CACNA1C: variants seen among roughly 807,000 people sequenced by gnomAD.
CACNA1C encodes voltage-dependent L-type calcium channel subunit alpha-1C.
CACNA1C carries 30 observed loss-of-function variants against 229.0 expected under a neutral mutation model. That is an observed-to-expected ratio of 0.13 (90% CI 0.10 to 0.18). The LOEUF (loss-of-function observed/expected upper bound fraction) is 0.18. CACNA1C is among the 10% of genes least tolerant of loss of function. The pLI, the probability that CACNA1C is intolerant of heterozygous loss-of-function variation, is 1.00. For missense variants in CACNA1C, 1,658 were observed against 2,845.0 expected (o/e 0.58, Z 9.49); for synonymous variants, 1,114 against 1,132.5 (o/e 0.98, Z 0.33).
At chr12:2,620,950 A>G (rs2082924694) in intron 29 of CACNA1C, among the ~76,000 whole-genome samples, 1 of 152,214 alleles carries the variant, frequency 6.6e-6, no homozygotes, top group African/African-American at 2.4e-5. Flanking sequence ...AAGGATTGAG[A>G]CCATTGAGCT....
chr12:2,113,341 G>T (rs1489169048), intron 1 of CACNA1C, among the ~76,000 whole-genome samples: 1 of 152,218 alleles, frequency 6.6e-6, no homozygotes, highest in East Asian at 1.9e-4. Context: ...TGGAAAGCAG[G>T]TCACATGGGG....
At chr12:2,509,320 G>A (rs2099778437) in intron 8 of CACNA1C, among the ~76,000 whole-genome samples, 1 of 152,152 alleles carries the variant, frequency 6.6e-6, no homozygotes, top group South Asian at 2.1e-4. Flanking sequence ...TCATGTTATG[G>A]AATGTAACCC....
At chr12:2,186,742 C>T (rs556309326) in intron 3 of CACNA1C, among the ~76,000 whole-genome samples, 21 of 152,304 alleles carry the variant, frequency 1.4e-4, no homozygotes, top group East Asian at 7.7e-4. Context: ...GTTATCAACA[C>T]GACCTCCTTT....
At chr12:2,418,840 A>C (rs956659340) in intron 3 of CACNA1C, among the ~76,000 whole-genome samples, 14 of 152,118 alleles carry the variant, frequency 9.2e-5, no homozygotes, top group African/African-American at 2.4e-5. Context: ...CAGTGGGAGC[A>C]TGCTGACCCC....
rs930100118 is a variant in CACNA1C at position 2,159,606 on chromosome 12, T to C, written c.477+39176T>C. 5.7e-4 allele frequency among the ~76,000 whole-genome samples: 83 copies of C among 146,840 alleles called. 1 individual carries two copies. The South Asian group carries it at 0.015, about 27-fold the overall frequency. ...TCCTTTAGATTTCTTTCTTTCTCTTTTTTTTTTTTTTTTTGAGATGGGAGT... is the reference window on the plus strand; with the variant it reads ...TCCTTTAGATTTCTTTCTTTCTCTTCTTTTTTTTTTTTTTGAGATGGGAGT... On this transcript the variant is annotated intron_variant, in intron 3 of 46. Transcript: ENST00000399655.
intron 3 of CACNA1C, among the ~76,000 whole-genome samples, chr12:2,135,871 C>T (rs1489824345): frequency 6.8e-6 from 1 of 147,936 alleles, no homozygotes; most frequent in South Asian, 2.1e-4. Flanking sequence ...TTTACCTAAT[C>T]AAGCCCGGGC....
intron 38 of CACNA1C, among the ~76,000 whole-genome samples, chr12:2,672,813 TA>T (rs1342200499): frequency 3.3e-5 from 5 of 152,236 alleles, no homozygotes; most frequent in African/African-American, 4.8e-5. Flanking sequence ...TTCAGCCCAG[TA>T]CCGAAGCTAA....
intron 3 of CACNA1C, among the ~76,000 whole-genome samples, chr12:2,201,111 A>G (rs1431594357): frequency 6.6e-6 from 1 of 152,154 alleles, no homozygotes; most frequent in African/African-American, 2.4e-5. Context: ...GTTGGCTGCC[A>G]TGTTGATTCC....
At chr12:2,466,713 C>T (rs967433977) in intron 5 of CACNA1C, among the ~76,000 whole-genome samples, 9 of 152,308 alleles carry the variant, frequency 5.9e-5, no homozygotes, top group Middle Eastern at 3.4e-3. Context: ...TGCATTCACC[C>T]GGACAAGCCT....
intron 12 of CACNA1C, 55 bp from the exon 13 acceptor site, chr12:2,567,514 C>T: frequency 9.4e-7 from 1 of 1,067,760 alleles, no homozygotes; most frequent in Non-Finnish European, 1.4e-6. Flanking sequence ...TCCCTGCCTC[C>T]CTCTCTGCCT....
intron 7 of CACNA1C, among the ~76,000 whole-genome samples, chr12:2,501,868 G>C (rs970958076): frequency 6.6e-6 from 1 of 152,250 alleles, no homozygotes; most frequent in Non-Finnish European, 1.5e-5. Flanking sequence ...TCTTTTGCTG[G>C]ATATTTTAGT....
In CACNA1C at chr12:2,581,640, G is replaced by A. The variant is rs786205777; in HGVS notation, c.1946G>A (p.Arg649His). 10 of 1,593,656 alleles carry A rather than the reference G, an allele frequency of 6.3e-6. No homozygotes were observed. The highest frequency in any genetic ancestry group is 2.3e-5 in the East Asian group (1 of 44,230). ...GTGGCATCCTTGCTGAACTCTGTGC[G>A]CTCCATCGCCTCCCTGCTCCTTCTC... Reference protein sequence around the residue: ...NLVASLLNSVRSIASLLLLLF... With the variant: ...NLVASLLNSVHSIASLLLLLF... Residue 649 changes from arginine (R) to histidine (H), a missense_variant, in exon 14 of 47, where the codon CGC (arginine) becomes CAC (histidine). Physicochemically the swap from Arg to His is conservative, Grantham distance 29. Transcript: ENST00000399655.
At chr12:2,372,824 G>A (rs2097907740) in intron 3 of CACNA1C, among the ~76,000 whole-genome samples, 1 of 152,226 alleles carries the variant, frequency 6.6e-6, no homozygotes, top group Admixed American at 6.5e-5. Flanking sequence ...CAGCCTCAGG[G>A]GTCCGGGGAC....
At position 2,595,813 on chromosome 12, in the gene CACNA1C, G is replaced by T; in HGVS notation, c.2664-61G>T. The T allele has an allele frequency of 1.9e-6, 3 of 1,568,438 alleles. No individual in the cohort carries two copies. Among genetic ancestry groups the T allele is most frequent in the South Asian group, 2.3e-5 (2 of 86,620 alleles). ...CTGAGGAGAGGGGCTCCCAAGAGCC[G>T]ACTGGTGCTTCCCCTTGTCTGCCTT... On this transcript the variant is annotated intron_variant, in intron 19 of 46. Transcript: ENST00000399655. This position sits in a 1 kb window ranked among gnomAD's most constrained non-coding sequence, Gnocchi z 4.1.
chr12:2,627,169 C>T (rs2087223940), intron 29 of CACNA1C, among the ~76,000 whole-genome samples: 2 of 152,096 alleles, frequency 1.3e-5, no homozygotes, highest in Non-Finnish European at 2.9e-5. Flanking sequence ...TCTTGGGGTG[C>T]TTCTGAATTA....
rs2470417 is a variant in CACNA1C at position 2,029,132 on chromosome 12, C to T, written c.139+57931C>T. The stretch of plus-strand genomic sequence containing the variant: ...GCCCCATGAGTGGAAATGACTTGCT[C>T]AGTAATCTTAAGGGGCTTTTTCCAA... On this transcript the variant is annotated intron_variant, in intron 1 of 46. Transcript: ENST00000682462. The surrounding 1 kb of genome is among the most constrained non-coding windows in gnomAD (Gnocchi z 4.9). Among the ~76,000 whole-genome samples the T allele has an allele frequency of 0.25, 38,027 of 151,994 alleles. 5,904 individuals are homozygous for T. The highest frequency in any genetic ancestry group is 0.44 in the African/African-American group (18,230 of 41,396).
At chr12:2,485,757 T>C (rs2099695076) in intron 5 of CACNA1C, among the ~76,000 whole-genome samples, 1 of 152,218 alleles carries the variant, frequency 6.6e-6, no homozygotes. Context: ...GCTCTCACTG[T>C]CCTGAGATGC....
At chr12:2,004,159 G>T in intron 1 of CACNA1C, 1 of 1,409,672 alleles carries the variant, frequency 7.1e-7, no homozygotes, top group South Asian at 1.3e-5. Flanking sequence ...TCAGTCCCCA[G>T]ATCCACCCAC....
At chr12:2,085,449 CCTT>C (rs1290716072) in intron 1 of CACNA1C, among the ~76,000 whole-genome samples, 2 of 152,054 alleles carry the variant, frequency 1.3e-5, no homozygotes, top group Non-Finnish European at 2.9e-5. Flanking sequence ...TCCTCTGAAA[CCTT>C]CTTCTCTTTC....
Sources: allele counts gnomAD v4.1 joint callset (sites outside exome capture counted in the v4.1 genomes callset), GRCh38; gene constraint gnomAD v4.1.1; non-coding constraint Gnocchi (gnomAD v3.1); transcripts MANE v1.5; gene names NCBI Gene and HGNC (gene_info 2026-07-23, HGNC 2026-07-21).